KLRG1: variants seen among roughly 807,000 people sequenced by gnomAD.
KLRG1 encodes the protein killer cell lectin like receptor G1.
Under a neutral mutation model 21.8 loss-of-function variants are expected in KLRG1, and 16 were observed. The ratio of observed to expected loss-of-function variants is 0.73; its 90% CI spans 0.50 to 1.11. KLRG1 has a LOEUF of 1.11. Ranked by LOEUF, KLRG1 falls within the 50% of genes most tolerant of loss-of-function variation. KLRG1 has a pLI of 0.00. For synonymous variants in KLRG1, 69 were observed against 75.9 expected, an observed-to-expected ratio of 0.91 and a Z score of 0.47; for missense variants, 173 against 218.3, an observed-to-expected ratio of 0.79 and a Z score of 1.31.
At chr12:9,076,824 GC>G in the KLRG1 span, 7 of 1,613,974 alleles carry the variant, frequency 4.3e-6, no homozygotes, top group Non-Finnish European at 5.9e-6. Flanking sequence ...ACCTGCCAGG[GC>G]AAAAGCATAG....
the KLRG1 span, chr12:9,069,901 AC>A: frequency 1.0e-5 from 11 of 1,091,532 alleles, no homozygotes; most frequent in African/African-American, 1.6e-4. Flanking sequence ...TGCCAAAATA[AC>A]CCTGAGGGTA....
intron 1 of KLRG1, among the ~76,000 whole-genome samples, chr12:8,972,384 C>G (rs144230577): frequency 0.029 from 4,359 of 152,276 alleles, 90 homozygotes; most frequent in Non-Finnish European, 0.045. Flanking sequence ...GTCTCGATCT[C>G]CTAACCTCGT....
At position 9,009,572 on chromosome 12, in the gene KLRG1, C is replaced by A; in HGVS notation, c.*35C>A. 1.2e-6 allele frequency: 2 copies of A among 1,607,174 alleles called. No homozygotes were observed. The highest frequency in any genetic ancestry group is 1.1e-5 in the South Asian group (1 of 90,430). On this transcript the variant is annotated 3_prime_UTR_variant, in exon 5 of 5. Coordinates refer to ENST00000356986, the MANE Select transcript of KLRG1 (RefSeq NM_005810.4). ...ACTCTGTCCTGACCCTCAGATCTGT[C>A]ATGTATCCCTAAAAGGAGGGAGCTG...
chr12:9,095,843 T>C, the KLRG1 span: 1 of 631,330 alleles, frequency 1.6e-6, no homozygotes, highest in Non-Finnish European at 2.4e-6. Context: ...CACTGCAAGC[T>C]CCGCTTCCCG....
chr12:9,142,380 A>C, the KLRG1 span, among the ~76,000 whole-genome samples: 1 of 152,204 alleles, frequency 6.6e-6, no homozygotes, highest in Non-Finnish European at 1.5e-5. Flanking sequence ...TCTATGCCAA[A>C]TTTTGACACC....
chr12:8,978,653 T>TTTCTTTCC (rs1359926670), intron 1 of KLRG1, among the ~76,000 whole-genome samples: 47 of 55,018 alleles, frequency 8.5e-4, no homozygotes, highest in Admixed American at 3.1e-3. Flanking sequence ...TCTTTCTTTC[T>TTTCTTTCC]TTCTTTCTTT....
chr12:9,196,242 C>T, the KLRG1 span: 3 of 853,790 alleles, frequency 3.5e-6, no homozygotes, highest in Non-Finnish European at 5.6e-6. Flanking sequence ...TAACTGATAA[C>T]ACTAACCAAG....
the KLRG1 span, chr12:9,067,766 C>A: frequency 6.4e-7 from 1 of 1,563,888 alleles, no homozygotes; most frequent in South Asian, 1.1e-5. Flanking sequence ...AAACACGTGT[C>A]TTCTGTGGAG....
At chr12:9,000,016 C>T (rs975434661) in intron 3 of KLRG1, among the ~76,000 whole-genome samples, 2 of 151,846 alleles carry the variant, frequency 1.3e-5, no homozygotes, top group African/African-American at 4.8e-5. Flanking sequence ...GCCTGAGAGA[C>T]AGAGTGATAC....
chr12:9,213,177 C>G, the KLRG1 span, among the ~76,000 whole-genome samples: 2 of 152,246 alleles, frequency 1.3e-5, no homozygotes, highest in Middle Eastern at 3.4e-3. Context: ...CGATATTGAA[C>G]AATATTCCAA....
the KLRG1 span, among the ~76,000 whole-genome samples, chr12:9,053,913 T>A: frequency 6.6e-6 from 1 of 152,132 alleles, no homozygotes; most frequent in Non-Finnish European, 1.5e-5. Flanking sequence ...CATGTCCTGA[T>A]GAATTCATTC....
the KLRG1 span, chr12:9,115,329 A>G: frequency 1.9e-5 from 3 of 155,952 alleles, no homozygotes; most frequent in African/African-American, 4.8e-5. Context: ...CAGTATTTCA[A>G]ATTGTTCCTT....
chr12:9,089,217 G>C, the KLRG1 span: 67 of 1,590,042 alleles, frequency 4.2e-5, no homozygotes, highest in South Asian at 7.5e-4. Flanking sequence ...ACAAAGTAGG[G>C]AGTTGAATGT....
chr12:9,097,220 T>C, the KLRG1 span, among the ~76,000 whole-genome samples: 1 of 152,194 alleles, frequency 6.6e-6, no homozygotes, highest in South Asian at 2.1e-4. Context: ...GATGCTTCCT[T>C]TAGAAGTATT....
chr12:9,105,359 A>G, the KLRG1 span, among the ~76,000 whole-genome samples: 3 of 152,234 alleles, frequency 2.0e-5, no homozygotes, highest in South Asian at 4.1e-4. Context: ...AAAGTACACT[A>G]TCTTTCTGAG....
the KLRG1 span, among the ~76,000 whole-genome samples, chr12:9,208,817 G>A: frequency 1.5e-3 from 223 of 152,238 alleles, 2 homozygotes; most frequent in African/African-American, 5.1e-3. Flanking sequence ...GCAGTTGATT[G>A]AGTACATGGT....
the KLRG1 span, chr12:9,196,672 C>A: frequency 1.9e-6 from 3 of 1,609,520 alleles, no homozygotes; most frequent in East Asian, 2.2e-5. Context: ...GGTGATGCAG[C>A]CATTGCTGTT....
chr12:9,101,778 G>C, the KLRG1 span: 1 of 898,160 alleles, frequency 1.1e-6, no homozygotes, highest in East Asian at 2.7e-5. Context: ...CTAGTAGCTA[G>C]AAATCTTTTG....
chr12:8,955,826 C>T (rs1946282684), intron 1 of KLRG1, among the ~76,000 whole-genome samples: 1 of 151,996 alleles, frequency 6.6e-6, no homozygotes, highest in South Asian at 2.1e-4. Context: ...TGGTGAAAAC[C>T]AACCTTCGAG....
Sources: gnomAD v4.1 joint callset for allele counts (sites outside exome capture counted in the v4.1 genomes callset) on GRCh38, gnomAD v4.1.1 for gene constraint, MANE v1.5 for transcripts, NCBI Gene and HGNC (gene_info 2026-07-23, HGNC 2026-07-21) for gene names.